Variants in KCNK3 observed in about 807,000 individuals in gnomAD.
KCNK3 encodes potassium two pore domain channel subfamily K member 3, also known as potassium channel subfamily K member 3.
Under a neutral mutation model 27.3 loss-of-function variants are expected in KCNK3, and 9 were observed. The ratio of observed to expected loss-of-function variants is 0.33; its 90% CI spans 0.20 to 0.57. KCNK3 has a LOEUF of 0.57. Ranked by LOEUF, KCNK3 falls within the 20% of genes least tolerant of loss-of-function variation. The pLI is 0.87. For missense variants in KCNK3, 391 were observed against 577.7 expected (o/e 0.68, Z 3.31); for synonymous variants, 278 against 273.8 (o/e 1.02, Z -0.15).
intron 1 of KCNK3, among the ~76,000 whole-genome samples, chr2:26,725,072 G>A (rs916540151): frequency 3.3e-5 from 5 of 152,152 alleles, no homozygotes; most frequent in Non-Finnish European, 7.4e-5. Flanking sequence ...CCTAAGAGAC[G>A]GTGGGCCCAG....
At chr2:26,724,777 G>C (rs754389684) in intron 1 of KCNK3, among the ~76,000 whole-genome samples, 1 of 152,196 alleles carries the variant, frequency 6.6e-6, no homozygotes, top group Non-Finnish European at 1.5e-5. Context: ...AGGATGAAGG[G>C]CAGAGGAAGG....
intron 1 of KCNK3, among the ~76,000 whole-genome samples, chr2:26,709,857 C>T (rs1316030555): frequency 6.6e-6 from 1 of 152,210 alleles, no homozygotes; most frequent in East Asian, 1.9e-4. Context: ...CTGTCTGACT[C>T]CAAAGCCCCC....
intron 1 of KCNK3, among the ~76,000 whole-genome samples, chr2:26,720,438 G>A (rs1386479528): frequency 6.6e-6 from 1 of 152,172 alleles, no homozygotes; most frequent in African/African-American, 2.4e-5. Context: ...AGGCAGGCCT[G>A]GCTCTAGGCC....
chr2:26,725,433 G>A (rs930036323), intron 1 of KCNK3, among the ~76,000 whole-genome samples: 1 of 152,220 alleles, frequency 6.6e-6, no homozygotes, highest in Non-Finnish European at 1.5e-5. Context: ...CAGCTATCAC[G>A]TGGCCAAGCT....
At chr2:26,694,070 C>A (rs1163113337) in intron 1 of KCNK3, among the ~76,000 whole-genome samples, 5 of 152,118 alleles carry the variant, frequency 3.3e-5, no homozygotes, top group African/African-American at 1.2e-4. Flanking sequence ...CAAAACTGTC[C>A]AGACGGGAAT....
In KCNK3 at chr2:26,728,456, C is replaced by A; in HGVS notation, c.1073C>A (p.Ser358Ter). Residue 358 changes from serine to a stop codon, truncating the protein, a stop_gained, in exon 2 of 2, where the codon TCG becomes TAG. Coordinates refer to ENST00000302909, the MANE Select transcript of KCNK3 (RefSeq NM_002246.3). LOFTEE classifies it high-confidence loss of function. ...GGGGRYSDTP[S>*]RRCLCSGAPR... Reference sequence around the variant, plus strand: ...GGCGGCCGCTACAGCGACACGCCCTCGCGACGCTGCCTGTGCAGCGGGGCG... The same window carrying A: ...GGCGGCCGCTACAGCGACACGCCCTAGCGACGCTGCCTGTGCAGCGGGGCG... The A allele has an allele frequency of 6.4e-7, 1 of 1,574,638 alleles. No homozygotes were observed. The highest frequency in any genetic ancestry group is 8.6e-7 in the Non-Finnish European group (1 of 1,157,230).
intron 1 of KCNK3, among the ~76,000 whole-genome samples, chr2:26,709,896 C>T (rs1663073218): frequency 6.6e-6 from 1 of 152,236 alleles, no homozygotes; most frequent in African/African-American, 2.4e-5. Context: ...CTCACCCCAG[C>T]CCCACCAGCT....
intron 1 of KCNK3, among the ~76,000 whole-genome samples, chr2:26,718,017 C>T (rs1406566744): frequency 6.6e-6 from 1 of 152,166 alleles, no homozygotes; most frequent in African/African-American, 2.4e-5. Flanking sequence ...GGGCATCCCA[C>T]ACACCATGCA....
chr2:26,702,714 G>T (rs1006616054), intron 1 of KCNK3, among the ~76,000 whole-genome samples: 4 of 152,166 alleles, frequency 2.6e-5, no homozygotes, highest in South Asian at 2.1e-4. Context: ...CACCACAGAA[G>T]CAGAACTGGT....
At position 26,729,346 on chromosome 2, in the gene KCNK3, C is replaced by T. The variant is rs1663493977; in HGVS notation, c.*778C>T. On this transcript the variant is annotated 3_prime_UTR_variant, in exon 2 of 2. Coordinates refer to ENST00000302909, the MANE Select transcript of KCNK3 (RefSeq NM_002246.3). The stretch of plus-strand genomic sequence containing the variant: ...AGAATCTGGAACAGAAGACTTCAGA[C>T]TCACCATAATTGCTGATAATTACCC... The T allele has an allele frequency of 6.6e-6, 1 of 152,234 alleles. No homozygotes were observed. Among genetic ancestry groups the T allele is most frequent in the East Asian group, 1.9e-4 (1 of 5,198 alleles). The allele number at this position is 152,234 out of a possible 1,614,324, so 9.4% of individuals were successfully genotyped here.
intron 1 of KCNK3, among the ~76,000 whole-genome samples, chr2:26,717,001 G>A (rs1394989129): frequency 6.6e-6 from 1 of 152,178 alleles, no homozygotes; most frequent in African/African-American, 2.4e-5. Flanking sequence ...TAGTATCCAT[G>A]GCTTCTTTCT....
chr2:26,693,219 T>A lies in KCNK3; in HGVS notation c.283+61T>A. 1 of 308,534 alleles carries A rather than the reference T, an allele frequency of 3.2e-6. No individual in the cohort carries two copies. The highest frequency in any genetic ancestry group is 5.6e-6 in the Non-Finnish European group (1 of 178,960). The allele number at this position is 308,534 out of a possible 1,614,324, so 19.1% of individuals were successfully genotyped here. A position where few individuals can be genotyped will look rare whatever the true frequency, so the allele number is the denominator to read the frequency against. The stretch of plus-strand genomic sequence containing the variant: ...GCTGGGCGCGGGGCTCCGGGAGTCG[T>A]CCGGGGCCGGCTGGGGCTGGGGGCG... On this transcript the variant is annotated intron_variant, in intron 1 of 1. Transcript: ENST00000302909. The surrounding 1 kb of genome is among the most constrained non-coding windows in gnomAD (Gnocchi z 5.5).
Position 26,732,393 on chromosome 2 carries a change from G to A in KCNK3, c.*3825G>A, listed in dbSNP as rs1200892672. 6.6e-6 allele frequency: 1 copy of A among 152,234 alleles called. No homozygotes were observed. Among genetic ancestry groups the A allele is most frequent in the Non-Finnish European group, 1.5e-5 (1 of 68,050 alleles). 9.4% of individuals were successfully genotyped at this position (152,234 alleles called of 1,614,324 possible). A position where few individuals can be genotyped will look rare whatever the true frequency, so the allele number is the denominator to read the frequency against. On this transcript the variant is annotated 3_prime_UTR_variant, in exon 2 of 2. Transcript: ENST00000302909. Reference sequence around the variant, plus strand: ...ACCTGCTAATGGTTTAATACCTGCAGATTGAAATATACTGGAGAAATAAAG... The same window carrying A: ...ACCTGCTAATGGTTTAATACCTGCAAATTGAAATATACTGGAGAAATAAAG...
In KCNK3 at chr2:26,728,469, G is replaced by A. The variant is rs1322213057; in HGVS notation, c.1086G>A (p.Leu362=). The A allele has an allele frequency of 3.8e-6, 6 of 1,560,374 alleles. No individual in the cohort carries two copies. The highest frequency in any genetic ancestry group is 1.2e-5 in the South Asian group (1 of 85,222). Residue 362 remains leucine, a synonymous_variant, in exon 2 of 2, where the codon CTG becomes CTA. Transcript: ENST00000302909. ...RYSDTPSRRC[L]CSGAPRSAIS... ...GCGACACGCCCTCGCGACGCTGCCT[G>A]TGCAGCGGGGCGCCACGCTCCGCCA...
intron 1 of KCNK3, among the ~76,000 whole-genome samples, chr2:26,694,148 T>C (rs1670205944): frequency 6.6e-6 from 1 of 152,276 alleles, no homozygotes; most frequent in Admixed American, 6.5e-5. Flanking sequence ...ATATATGACC[T>C]TGGGCAAGTC....
intron 1 of KCNK3, among the ~76,000 whole-genome samples, chr2:26,717,051 G>T (rs1423345097): frequency 6.6e-6 from 1 of 152,198 alleles, no homozygotes; most frequent in Non-Finnish European, 1.5e-5. Flanking sequence ...AGAGACCACA[G>T]ACTCATAAAG....
At position 26,732,028 on chromosome 2, in the gene KCNK3, A is replaced by T. The variant is rs1185570695; in HGVS notation, c.*3460A>T. 6.6e-6 allele frequency: 1 copy of T among 152,284 alleles called. No individual in the cohort carries two copies. Among genetic ancestry groups the T allele is most frequent in the Non-Finnish European group, 1.5e-5 (1 of 68,070 alleles). 9.4% of individuals were successfully genotyped at this position (152,284 alleles called of 1,614,324 possible). On this transcript the variant is annotated 3_prime_UTR_variant, in exon 2 of 2. Coordinates refer to ENST00000302909, the MANE Select transcript of KCNK3 (RefSeq NM_002246.3). ...AACATATGTCTTTGAAGGAGAGTGC[A>T]TCACAAGCACCTTTCTTTGGGGTAG...
At chr2:26,720,755 G>A (rs1663313665) in intron 1 of KCNK3, among the ~76,000 whole-genome samples, 1 of 152,146 alleles carries the variant, frequency 6.6e-6, no homozygotes, top group African/African-American at 2.4e-5. Context: ...TGGGACAATG[G>A]GAAGAGAGGC....
Position 26,728,622 on chromosome 2 carries a change from G to C in KCNK3, c.*54G>C. Reference sequence around the variant, plus strand: ...GGCGCGGGCGGGGGACCCCTGCTGGGAGGCCAGGAGACTGCCCCTGCTGCC... The same window carrying C: ...GGCGCGGGCGGGGGACCCCTGCTGGCAGGCCAGGAGACTGCCCCTGCTGCC... On this transcript the variant is annotated 3_prime_UTR_variant, in exon 2 of 2. Transcript: ENST00000302909. 7.2e-7 allele frequency: 1 copy of C among 1,381,844 alleles called. No individual in the cohort carries two copies. The highest frequency in any genetic ancestry group is 9.4e-7 in the Non-Finnish European group (1 of 1,062,516). 85.6% of individuals were successfully genotyped at this position (1,381,844 alleles called of 1,614,324 possible).
Sources: gnomAD v4.1 joint callset for allele counts (sites outside exome capture counted in the v4.1 genomes callset) on GRCh38, gnomAD v4.1.1 for gene constraint, Gnocchi (gnomAD v3.1) non-coding constraint, MANE v1.5 for transcripts, NCBI Gene and HGNC (gene_info 2026-07-23, HGNC 2026-07-21) for gene names.